Variants in ACSM3 observed in about 807,000 individuals in gnomAD.
ACSM3 encodes the protein acyl-CoA synthetase medium chain family member 3.
ACSM3 carries 61 observed loss-of-function variants against 74.1 expected under a neutral mutation model. The observed-to-expected ratio is 0.82, with a 90% CI of 0.67 to 1.02. The LOEUF (loss-of-function observed/expected upper bound fraction) is 1.02, where lower values mean the gene tolerates loss of function less well. Among genes scored for constraint, ACSM3 ranks in the 50% least tolerant of loss-of-function variants. The pLI is 0.00. For synonymous variants in ACSM3, 213 were observed against 241.5 expected (o/e 0.88, Z 1.09); for missense variants, 660 against 697.0 (o/e 0.95, Z 0.60).
chr16:20,731,061 TCA>T (rs1166316160), intron 1 of ACSM3, among the ~76,000 whole-genome samples: 3 of 152,156 alleles, frequency 2.0e-5, no homozygotes, highest in African/African-American at 7.2e-5. Flanking sequence ...AGATGGGGTC[TCA>T]CTATGTTGAC....
intron 1 of ACSM3, chr16:20,685,541 G>A: frequency 2.5e-6 from 2 of 804,142 alleles, no homozygotes; most frequent in South Asian, 3.3e-5. Context: ...CATTTATACA[G>A]CCAGGCGCAG....
At chr16:20,781,835 G>C in intron 7 of ACSM3, 48 bp downstream of exon 7, 1 of 1,408,154 alleles carries the variant, frequency 7.1e-7, no homozygotes, top group Non-Finnish European at 1.0e-6. Flanking sequence ...GGGGAGAAGA[G>C]GAAGCTATAA....
chr16:20,692,209 G>A (rs2152339889), intron 1 of ACSM3, among the ~76,000 whole-genome samples: 1 of 152,308 alleles, frequency 6.6e-6, no homozygotes, highest in Non-Finnish European at 1.5e-5. Flanking sequence ...AAATATGAGT[G>A]AACCTGGCCC....
intron 9 of ACSM3, chr16:20,789,475 T>C (rs778604727): frequency 1.2e-6 from 2 of 1,607,712 alleles, no homozygotes; most frequent in South Asian, 1.1e-5. Context: ...TGTGGCTTAC[T>C]TACCATTGTC....
At chr16:20,675,673 G>C (rs2020235261) in intron 1 of ACSM3, among the ~76,000 whole-genome samples, 1 of 152,246 alleles carries the variant, frequency 6.6e-6, no homozygotes, top group South Asian at 2.1e-4. Context: ...CCCTCTTTTA[G>C]TGATGGATGG....
chr16:20,726,640 C>T (rs143751688), intron 1 of ACSM3, among the ~76,000 whole-genome samples: 41 of 152,318 alleles, frequency 2.7e-4, no homozygotes, highest in Non-Finnish European at 4.4e-4. Context: ...TCTTCAGTAA[C>T]GCCAGTGGTT....
At chr16:20,725,210 C>A (rs1205925960) in intron 1 of ACSM3, among the ~76,000 whole-genome samples, 2 of 152,232 alleles carry the variant, frequency 1.3e-5, no homozygotes, top group Non-Finnish European at 2.9e-5. Context: ...CAGAACAGAG[C>A]CCTCAGAAAT....
In ACSM3 at chr16:20,785,024, G is replaced by T; in HGVS notation, c.1060G>T (p.Glu354Ter). 6.2e-7 allele frequency: 1 copy of T among 1,613,680 alleles called. No individual in the cohort carries two copies. Among genetic ancestry groups the T allele is most frequent in the Non-Finnish European group, 8.5e-7 (1 of 1,179,732 alleles). Reference protein sequence around the residue: ...KSLKHCVSAGEPITPDVTEKW... With the variant: ...KSLKHCVSAG Reference sequence around the variant, plus strand: ...CTTAAAGCACTGTGTGAGTGCTGGGGAACCAATTACCCCTGACGTGACTGA... The same window carrying T: ...CTTAAAGCACTGTGTGAGTGCTGGGTAACCAATTACCCCTGACGTGACTGA... The change falls in exon 8 of 14, where the codon GAA becomes TAA. Residue 354 changes from glutamate to a stop codon, truncating the protein, a stop_gained. Transcript: ENST00000289416. LOFTEE classifies it high-confidence loss of function.
chr16:20,741,366 G>C (rs997226034), intron 1 of ACSM3: 86 of 1,070,762 alleles, frequency 8.0e-5, no homozygotes, highest in South Asian at 1.7e-5. Context: ...ACTAGGGACG[G>C]AAACGCCGGC....
intron 1 of ACSM3, among the ~76,000 whole-genome samples, chr16:20,725,723 G>C (rs556367654): frequency 6.6e-6 from 1 of 152,048 alleles, no homozygotes; most frequent in Non-Finnish European, 1.5e-5. Context: ...CTGTAATCCC[G>C]ACACTTTGGA....
At chr16:20,759,909 C>T (rs746087597), upstream of ACSM3, among the ~76,000 whole-genome samples, 1 of 152,034 alleles carries the variant, frequency 6.6e-6, no homozygotes, top group Non-Finnish European at 1.5e-5. Flanking sequence ...AATTCTAAGC[C>T]CCCAAACTGA....
intron 1 of ACSM3, among the ~76,000 whole-genome samples, chr16:20,686,796 C>T (rs2079560722): frequency 7.4e-6 from 1 of 134,676 alleles, no homozygotes; most frequent in African/African-American, 2.7e-5. Flanking sequence ...AGAATGAGAC[C>T]CTGTCTCAAA....
rs961722358 is a variant in ACSM3, at chr16:20,790,816, T to C, written c.1326+128T>C. 10 of 1,613,780 alleles carry C rather than the reference T, an allele frequency of 6.2e-6. No individual in the cohort carries two copies. Among genetic ancestry groups the C allele is most frequent in the Non-Finnish European group, 8.5e-6 (10 of 1,179,902 alleles). On this transcript the variant is annotated intron_variant, in intron 10 of 13. Transcript: ENST00000289416. The surrounding 1 kb of genome is among the most constrained non-coding windows in gnomAD (Gnocchi z 4.0). ...TTCTTGAGAGATTGGTTGTCCTGAA[T>C]AGTAATCCAAAAGACAAGAAATTGA... is the stretch of plus-strand genomic sequence containing the variant.
chr16:20,755,349 GT>G (rs1179777894), intron 2 of ACSM3, among the ~76,000 whole-genome samples: 4 of 152,228 alleles, frequency 2.6e-5, no homozygotes, highest in South Asian at 4.1e-4. Flanking sequence ...TGACAGAAAT[GT>G]TAGAATCATC....
chr16:20,727,805 G>T (rs1251441443), intron 1 of ACSM3, among the ~76,000 whole-genome samples: 1 of 152,170 alleles, frequency 6.6e-6, no homozygotes, highest in African/African-American at 2.4e-5. Context: ...ATTCCAGGGT[G>T]CACTTAATGG....
rs922381253 is a variant in ACSM3 at position 20,737,933 on chromosome 16, T to C, written c.-189-11977T>C. ...TTGGTTTTGTACATATCCTGGAGAATATGATGCACCAATTTCTCAGGCTCT... is the reference window on the plus strand; with the variant it reads ...TTGGTTTTGTACATATCCTGGAGAACATGATGCACCAATTTCTCAGGCTCT... On this transcript the variant is annotated intron_variant, in intron 1 of 3. Transcript: ENST00000561584. 4 of 1,599,482 alleles carry C rather than the reference T, an allele frequency of 2.5e-6. 1 individual carries two copies. In the South Asian group the frequency reaches 3.5e-5, roughly 14 times the overall value.
Position 20,738,152 on chromosome 16 carries a change from T to C in ACSM3, c.-189-11758T>C, listed in dbSNP as rs1309721468. 3 of 667,790 alleles carry C rather than the reference T, an allele frequency of 4.5e-6. No individual in the cohort carries two copies. In the East Asian group the frequency reaches 9.3e-5, roughly 21 times the overall value. 41.4% of individuals were successfully genotyped at this position (667,790 alleles called of 1,614,324 possible). On this transcript the variant is annotated intron_variant, in intron 1 of 3. Transcript: ENST00000561584. ...TACGTACTATAATGTATCTAATATA[T>C]TTTAACTTTTCATCATTATTACTGC...
chr16:20,694,434 T>C (rs4459531), intron 1 of ACSM3, among the ~76,000 whole-genome samples: 93,300 of 151,638 alleles, frequency 0.62, 29,813 homozygotes, highest in Non-Finnish European at 0.72. Flanking sequence ...TCAAACAATA[T>C]TGTAGCCAAG....
At chr16:20,736,835 G>A (rs775721352) in intron 1 of ACSM3, 89 of 1,582,568 alleles carry the variant, frequency 5.6e-5, no homozygotes, top group Middle Eastern at 1.7e-4. Context: ...GCAACATCTC[G>A]TAGAGCCCCA....
Sources: gnomAD v4.1 joint callset for allele counts (sites outside exome capture counted in the v4.1 genomes callset) on GRCh38, gnomAD v4.1.1 for gene constraint, Gnocchi (gnomAD v3.1) non-coding constraint, MANE v1.5 for transcripts, NCBI Gene and HGNC (gene_info 2026-07-23, HGNC 2026-07-21) for gene names.